The following TCERG1L variants were observed in gnomAD, a reference collection of about 807,000 sequenced individuals.
TCERG1L encodes transcription elongation regulator 1-like protein.
TCERG1L carries 37 observed loss-of-function variants against 56.3 expected under a neutral mutation model. The ratio of observed to expected loss-of-function variants is 0.66; its 90% CI spans 0.51 to 0.87. The LOEUF (loss-of-function observed/expected upper bound fraction) is 0.87, where lower values mean the gene tolerates loss of function less well. Ranked by LOEUF, TCERG1L falls within the 40% of genes least tolerant of loss-of-function variation. TCERG1L has a pLI of 0.00. For synonymous variants in TCERG1L, 324 were observed against 326.3 expected (o/e 0.99, Z 0.08); for missense variants, 799 against 774.2 (o/e 1.03, Z -0.38).
Position 131,118,064 on chromosome 10 carries a change from T to C in TCERG1L, c.1260-1130A>G, listed in dbSNP as rs1845477287. On this transcript the variant is annotated intron_variant, in intron 8 of 11. Coordinates refer to ENST00000368642, the MANE Select transcript of TCERG1L (RefSeq NM_174937.4). This position sits in a 1 kb window ranked among gnomAD's most constrained non-coding sequence, Gnocchi z 4.2. Reference sequence around the variant, plus strand: ...GGTTGGCGCACCCTCACTCTGACCATGCTGAGCCCTCGTGGGCCTGCTCCC... The same window carrying C: ...GGTTGGCGCACCCTCACTCTGACCACGCTGAGCCCTCGTGGGCCTGCTCCC... Among the ~76,000 whole-genome samples, 2 of 152,158 alleles carry C rather than the reference T, an allele frequency of 1.3e-5. No individual in the cohort carries two copies. Among genetic ancestry groups the C allele is most frequent in the South Asian group, 2.1e-4 (1 of 4,826 alleles).
At chr10:131,241,687 T>A (rs1359249837) in intron 4 of TCERG1L, among the ~76,000 whole-genome samples, 2 of 152,054 alleles carry the variant, frequency 1.3e-5, no homozygotes, top group African/African-American at 4.8e-5. Context: ...GATAGCGTAA[T>A]ATAAAAACAT....
intron 1 of TCERG1L, 147 bp from the exon 2 acceptor site, chr10:131,309,446 A>G (rs548390027): frequency 6.3e-5 from 68 of 1,077,744 alleles, no homozygotes; most frequent in African/African-American, 9.9e-5. Flanking sequence ...GAGAAAAACT[A>G]TAAGTATGTA....
rs559616677 is a variant in TCERG1L at position 131,147,313 on chromosome 10, A to T, written c.1035-653T>A. Among the ~76,000 whole-genome samples the T allele has an allele frequency of 2.0e-5, 3 of 152,352 alleles. No homozygotes were observed. The East Asian group carries it at 5.8e-4, about 29-fold the overall frequency. On this transcript the variant is annotated intron_variant, in intron 6 of 11. Transcript: ENST00000368642. ...GTGAAAAGTTATCAGAAAAGATTAA[A>T]AAGAAAAAAAAATGAAGAGAAGAAA...
At chr10:131,136,159 C>T (rs1407543189) in intron 7 of TCERG1L, among the ~76,000 whole-genome samples, 1 of 152,212 alleles carries the variant, frequency 6.6e-6, no homozygotes, top group East Asian at 1.9e-4. Flanking sequence ...TTGATAATAA[C>T]TGGGGGGCCA....
chr10:131,209,733 T>TA (rs1402593516), intron 4 of TCERG1L, among the ~76,000 whole-genome samples: 8 of 152,204 alleles, frequency 5.3e-5, no homozygotes. Context: ...TTATTATATT[T>TA]TATAGTTAAG....
chr10:131,181,649 G>C (rs1025712), intron 4 of TCERG1L, among the ~76,000 whole-genome samples: 88,265 of 152,164 alleles, frequency 0.58, 26,664 homozygotes, highest in South Asian at 0.81. Context: ...TGTGGCCAAG[G>C]AAGCAGGGAA....
chr10:131,297,059 G>A lies in TCERG1L; in HGVS notation c.670+11152C>T, dbSNP rs187003680. ...AGTTTTGTGTCTTCCTTCCCAGTTT[G>A]TATGTTTTTCTTTTCTTTTTACTTT... On this transcript the variant is annotated intron_variant, in intron 3 of 11. Coordinates refer to ENST00000368642, the MANE Select transcript of TCERG1L (RefSeq NM_174937.4). Among the ~76,000 whole-genome samples the A allele has an allele frequency of 7.5e-4, 114 of 152,160 alleles. 1 individual carries two copies. The highest frequency in any genetic ancestry group is 6.2e-4 in the Non-Finnish European group (42 of 67,988).
intron 3 of TCERG1L, among the ~76,000 whole-genome samples, chr10:131,264,644 C>T (rs78326992): frequency 0.025 from 3,828 of 152,294 alleles, 64 homozygotes; most frequent in Non-Finnish European, 0.032. Flanking sequence ...AGTCACGCTC[C>T]CAGCACATCT....
At chr10:131,287,191 C>T (rs1476036444) in intron 3 of TCERG1L, among the ~76,000 whole-genome samples, 2 of 152,166 alleles carry the variant, frequency 1.3e-5, no homozygotes, top group Admixed American at 1.3e-4. Flanking sequence ...CGGGAAACTT[C>T]CAGTAAGAAG....
chr10:131,134,946 C>A (rs987208468), intron 7 of TCERG1L, among the ~76,000 whole-genome samples: 10 of 152,194 alleles, frequency 6.6e-5, no homozygotes, highest in African/African-American at 2.4e-4. Flanking sequence ...GGCCATGCCT[C>A]ACTATGGACG....
rs1038026905 is a variant in TCERG1L, at chr10:131,163,425, G to A, written c.946-215C>T. 2.0e-5 allele frequency among the ~76,000 whole-genome samples: 3 copies of A among 152,116 alleles called. No homozygotes were observed. In the East Asian group the frequency reaches 5.8e-4, roughly 29 times the overall value. ...ACTGGGTAGAATCACCTGGACAAAG[G>A]CACCCCTCATTGTCCCCAGTTGTCT... On this transcript the variant is annotated intron_variant, in intron 5 of 11. Coordinates refer to ENST00000368642, the MANE Select transcript of TCERG1L (RefSeq NM_174937.4).
intron 3 of TCERG1L, among the ~76,000 whole-genome samples, chr10:131,262,164 G>A (rs565552495): frequency 3.3e-5 from 5 of 152,264 alleles, no homozygotes; most frequent in Non-Finnish European, 5.9e-5. Context: ...AGGAGGGAGC[G>A]GAGCCTGCGG....
intron 3 of TCERG1L, among the ~76,000 whole-genome samples, chr10:131,268,520 A>C (rs1346441568): frequency 6.6e-6 from 1 of 152,172 alleles, no homozygotes; most frequent in Non-Finnish European, 1.5e-5. Context: ...TGAAGTTTTG[A>C]AGCCCATCAC....
At chr10:131,281,056 A>T (rs1846446490) in intron 3 of TCERG1L, among the ~76,000 whole-genome samples, 1 of 152,206 alleles carries the variant, frequency 6.6e-6, no homozygotes, top group South Asian at 2.1e-4. Context: ...GTCCACAGTG[A>T]AAATTCTTTT....
At chr10:131,195,836 G>C (rs1000563889) in intron 4 of TCERG1L, among the ~76,000 whole-genome samples, 1 of 152,224 alleles carries the variant, frequency 6.6e-6, no homozygotes, top group African/African-American at 2.4e-5. Context: ...GACCACGCTC[G>C]GCCTGCGGGG....
At chr10:131,230,591 C>A (rs997670445) in intron 4 of TCERG1L, among the ~76,000 whole-genome samples, 4 of 152,216 alleles carry the variant, frequency 2.6e-5, no homozygotes, top group Non-Finnish European at 5.9e-5. Flanking sequence ...TGAGTCAAAT[C>A]GTATCTCAGC....
chr10:131,279,543 T>C (rs1335891487), intron 3 of TCERG1L, among the ~76,000 whole-genome samples: 1 of 152,050 alleles, frequency 6.6e-6, no homozygotes, highest in Non-Finnish European at 1.5e-5. Context: ...CTGGAAACAG[T>C]GACATCTGGC....
intron 4 of TCERG1L, among the ~76,000 whole-genome samples, chr10:131,250,175 T>C (rs1197556226): frequency 6.6e-6 from 1 of 152,160 alleles, no homozygotes; most frequent in Non-Finnish European, 1.5e-5. Context: ...CTGCAGATCC[T>C]CCCAGAGGCT....
chr10:131,309,331 T>C (rs369996998), intron 1 of TCERG1L, 32 bp from the exon 2 acceptor site: 32 of 1,578,682 alleles, frequency 2.0e-5, no homozygotes, highest in Non-Finnish European at 2.7e-5. Context: ...ACAGCTGCAT[T>C]AGCCTGAATC....
Sources: gnomAD v4.1 joint callset for allele counts (sites outside exome capture counted in the v4.1 genomes callset) on GRCh38, gnomAD v4.1.1 for gene constraint, Gnocchi (gnomAD v3.1) non-coding constraint, MANE v1.5 for transcripts, NCBI Gene and HGNC (gene_info 2026-07-23, HGNC 2026-07-21) for gene names.